SCGB2B2: variants seen among roughly 807,000 people sequenced by gnomAD.
SCGB2B2 encodes the protein secretoglobin family 2B member 2, also known as secretoglobin-like protein.
SCGB2B2 carries 11 observed loss-of-function variants against 7.6 expected under a neutral mutation model. That is an observed-to-expected ratio of 1.45 (90% confidence interval 0.91 to 2.40). SCGB2B2 has a LOEUF of 2.40. Among genes scored for constraint, SCGB2B2 ranks in the 30% most tolerant of loss-of-function variants. The pLI is 0.00. For missense variants in SCGB2B2, 104 were observed against 115.4 expected, an observed-to-expected ratio of 0.90 and a Z score of 0.45; for synonymous variants, 50 against 48.6, an observed-to-expected ratio of 1.03 and a Z score of -0.12.
intron 1 of SCGB2B2, among the ~76,000 whole-genome samples, chr19:34,610,703 G>A (rs999637939): frequency 1.1e-4 from 16 of 150,520 alleles, no homozygotes; most frequent in African/African-American, 3.9e-4. Context: ...AAGCTGTTGA[G>A]GTTGGTTTGC....
chr19:34,669,714 T>TACACACACACACACACACACACACAG (rs1555750462), intron 1 of SCGB2B2, among the ~76,000 whole-genome samples: 1 of 139,498 alleles, frequency 7.2e-6, no homozygotes, highest in African/African-American at 2.7e-5. Context: ...TGCCCCCACT[T>TACACACACACACACACACACACACAG]ACACACACAC....
At chr19:34,631,676 T>A (rs1362346894) in intron 1 of SCGB2B2, among the ~76,000 whole-genome samples, 1 of 152,124 alleles carries the variant, frequency 6.6e-6, no homozygotes, top group Non-Finnish European at 1.5e-5. Flanking sequence ...ATTGTTAACG[T>A]TAAAATTCTC....
chr19:34,585,824 C>G (rs1242896685), downstream of SCGB2B2, among the ~76,000 whole-genome samples: 2 of 152,160 alleles, frequency 1.3e-5, no homozygotes, highest in African/African-American at 2.4e-5. Flanking sequence ...AAAGACATCT[C>G]CAAAAGCCAA....
chr19:34,635,237 A>C, intron 1 of SCGB2B2: 1 of 281,072 alleles, frequency 3.6e-6, no homozygotes, highest in Non-Finnish European at 7.3e-6. Context: ...TTCTGGCTAA[A>C]TAATTTCGCA....
chr19:34,666,968 G>A (rs2067645104), intron 1 of SCGB2B2, among the ~76,000 whole-genome samples: 1 of 152,094 alleles, frequency 6.6e-6, no homozygotes, highest in South Asian at 2.1e-4. Flanking sequence ...TCTGTCAACA[G>A]ATATCATCCC....
intron 1 of SCGB2B2, among the ~76,000 whole-genome samples, chr19:34,657,589 A>G (rs547458885): frequency 6.6e-6 from 1 of 152,326 alleles, no homozygotes; most frequent in African/African-American, 2.4e-5. Flanking sequence ...AGGAGCACCC[A>G]GACTCATAAA....
At chr19:34,586,156 T>C (rs10423250), downstream of SCGB2B2, among the ~76,000 whole-genome samples, 89,651 of 152,036 alleles carry the variant, frequency 0.59, 26,651 homozygotes, top group East Asian at 0.81. Context: ...AATTATAAAG[T>C]AAATGTCTCT....
chr19:34,650,498 A>G (rs2067136209), intron 1 of SCGB2B2, among the ~76,000 whole-genome samples: 1 of 151,182 alleles, frequency 6.6e-6, no homozygotes. Flanking sequence ...ACAAATTAGA[A>G]CACCTAGCAA....
downstream of SCGB2B2, among the ~76,000 whole-genome samples, chr19:34,588,657 CCT>C (rs1486389707): frequency 1.3e-5 from 2 of 152,208 alleles, no homozygotes; most frequent in African/African-American, 2.4e-5. Flanking sequence ...CGCTCCAGTC[CCT>C]CTCTCACTAG....
chr19:34,652,703 A>G (rs2067191549), intron 1 of SCGB2B2, among the ~76,000 whole-genome samples: 1 of 151,352 alleles, frequency 6.6e-6, no homozygotes, highest in African/African-American at 2.5e-5. Flanking sequence ...AAGACAAAAG[A>G]TACCAAACGC....
chr19:34,613,340 C>T (rs1490060926), intron 1 of SCGB2B2, among the ~76,000 whole-genome samples: 1 of 152,182 alleles, frequency 6.6e-6, no homozygotes, highest in Non-Finnish European at 1.5e-5. Context: ...CTCAAGTGAT[C>T]TGTCCCCCTT....
intron 1 of SCGB2B2, among the ~76,000 whole-genome samples, chr19:34,603,896 C>T (rs985198847): frequency 1.3e-5 from 2 of 149,428 alleles, no homozygotes; most frequent in African/African-American, 4.9e-5. Context: ...TAGCCTCAAA[C>T]TCCTGGGCTC....
chr19:34,587,668 C>A (rs540228579), downstream of SCGB2B2, among the ~76,000 whole-genome samples: 6 of 152,278 alleles, frequency 3.9e-5, no homozygotes, highest in East Asian at 1.2e-3. Context: ...AGGCTGTGGG[C>A]TTGCCATACA....
chr19:34,673,490 G>C (rs1218836752), intron 1 of SCGB2B2, among the ~76,000 whole-genome samples: 1 of 152,210 alleles, frequency 6.6e-6, no homozygotes, highest in African/African-American at 2.4e-5. Context: ...AAAGATGCAA[G>C]TTTATTAGAA....
At chr19:34,654,012 G>A (rs1234693438) in intron 1 of SCGB2B2, among the ~76,000 whole-genome samples, 1 of 150,116 alleles carries the variant, frequency 6.7e-6, no homozygotes, top group Non-Finnish European at 1.5e-5. Flanking sequence ...AGAAAAAAAA[G>A]AAGTAAAACT....
chr19:34,643,898 G>T (rs10415453), intron 1 of SCGB2B2, among the ~76,000 whole-genome samples: 45,484 of 151,064 alleles, frequency 0.3, 7,555 homozygotes, highest in Non-Finnish European at 0.37. Context: ...AAGTCAGAAA[G>T]TTAAGCAGAA....
intron 1 of SCGB2B2, among the ~76,000 whole-genome samples, chr19:34,656,010 A>G (rs761283349): frequency 2.8e-4 from 43 of 151,264 alleles, no homozygotes; most frequent in Non-Finnish European, 3.4e-4. Flanking sequence ...GAATAAATAT[A>G]CATCACCTCT....
intron 3 of SCGB2B2, 44 bp downstream of exon 3, chr19:34,594,131 C>CCATGTA: frequency 6.7e-7 from 1 of 1,491,836 alleles, no homozygotes; most frequent in Non-Finnish European, 9.3e-7. Flanking sequence ...AAGCCTGGGA[C>CCATGTA]GTGTGGCCAT....
chr19:34,621,352 G>T (rs2066235874), intron 1 of SCGB2B2, among the ~76,000 whole-genome samples: 1 of 151,954 alleles, frequency 6.6e-6, no homozygotes, highest in Admixed American at 6.6e-5. Context: ...ATACCTGAAA[G>T]GCAAAAAGAG....
Sources: gnomAD v4.1 joint callset for allele counts (sites outside exome capture counted in the v4.1 genomes callset) on GRCh38, gnomAD v4.1.1 for gene constraint, MANE v1.5 for transcripts, NCBI Gene and HGNC (gene_info 2026-07-23, HGNC 2026-07-21) for gene names.